DPP10: variants seen among roughly 807,000 people sequenced by gnomAD.
DPP10 encodes the protein dipeptidyl peptidase like 10, also known as inactive dipeptidyl peptidase 10.
DPP10 carries 33 observed loss-of-function variants against 120.9 expected under a neutral mutation model. That is an observed-to-expected ratio of 0.27 (90% CI 0.21 to 0.37). DPP10 has a LOEUF of 0.37. Ranked by LOEUF, DPP10 falls within the 10% of genes least tolerant of loss-of-function variation. The pLI, the probability that DPP10 is intolerant of heterozygous loss-of-function variation, is 1.00. For missense variants in DPP10, 816 were observed against 942.8 expected, an observed-to-expected ratio of 0.87 and a Z score of 1.76; for synonymous variants, 337 against 326.1, an observed-to-expected ratio of 1.03 and a Z score of -0.36.
At chr2:114,807,173 C>T (rs1684807394) in intron 1 of DPP10, among the ~76,000 whole-genome samples, 1 of 151,922 alleles carries the variant, frequency 6.6e-6, no homozygotes, top group African/African-American at 2.4e-5. Flanking sequence ...TCAATGGGCT[C>T]AATAAATAGA....
chr2:114,821,941 T>A (rs1686124829), intron 1 of DPP10, among the ~76,000 whole-genome samples: 1 of 151,982 alleles, frequency 6.6e-6, no homozygotes, highest in African/African-American at 2.4e-5. Flanking sequence ...TGGAGTTGAG[T>A]GTCTGTGAAT....
chr2:114,489,645 G>T (rs1681812743), intron 1 of DPP10, among the ~76,000 whole-genome samples: 1 of 152,128 alleles, frequency 6.6e-6, no homozygotes. Context: ...CAAGAGAATT[G>T]TCTTTTTTTC....
intron 1 of DPP10, among the ~76,000 whole-genome samples, chr2:114,649,917 A>G (rs1696448967): frequency 6.6e-6 from 1 of 152,124 alleles, no homozygotes. Context: ...TTTATTTGAC[A>G]ACTTTTTAAC....
intron 7 of DPP10, among the ~76,000 whole-genome samples, chr2:115,700,683 C>G (rs1437003808): frequency 6.6e-6 from 1 of 151,890 alleles, no homozygotes. Context: ...CTTTAAAAGC[C>G]TAGAGTCCAC....
intron 1 of DPP10, among the ~76,000 whole-genome samples, chr2:114,811,768 A>C (rs932471635): frequency 7.9e-5 from 12 of 152,142 alleles, no homozygotes; most frequent in African/African-American, 2.4e-4. Flanking sequence ...GGAGCTTCTT[A>C]ACACTGGAGT....
At chr2:114,626,552 A>C (rs1694530461) in intron 1 of DPP10, among the ~76,000 whole-genome samples, 1 of 151,994 alleles carries the variant, frequency 6.6e-6, no homozygotes, top group African/African-American at 2.4e-5. Context: ...GTGGTCACTA[A>C]ATTCATGCAT....
chr2:115,098,977 A>G (rs979455926), intron 1 of DPP10, among the ~76,000 whole-genome samples: 1 of 152,038 alleles, frequency 6.6e-6, no homozygotes, highest in Non-Finnish European at 1.5e-5. Context: ...GAGAACAAAG[A>G]GATGCCTCAA....
intron 1 of DPP10, among the ~76,000 whole-genome samples, chr2:114,964,011 G>A (rs1391361200): frequency 6.6e-6 from 1 of 152,136 alleles, no homozygotes; most frequent in East Asian, 1.9e-4. Context: ...AAGTAAGTAG[G>A]AGACAGGACT....
intron 3 of DPP10, among the ~76,000 whole-genome samples, chr2:115,411,536 T>A (rs537498661): frequency 2.4e-3 from 359 of 152,250 alleles, no homozygotes; most frequent in Non-Finnish European, 4.4e-3. Context: ...TATGAAGCTT[T>A]GGAATATGAT....
At chr2:114,948,284 GT>G (rs1697516734) in intron 1 of DPP10, among the ~76,000 whole-genome samples, 1 of 151,704 alleles carries the variant, frequency 6.6e-6, no homozygotes. Context: ...GTTTCTATTT[GT>G]TTTTTCTTTA....
intron 1 of DPP10, among the ~76,000 whole-genome samples, chr2:114,566,726 G>A (rs1208061153): frequency 6.6e-6 from 1 of 152,194 alleles, no homozygotes; most frequent in Non-Finnish European, 1.5e-5. Context: ...GTCACACACA[G>A]CAGGAAGAAC....
intron 1 of DPP10, among the ~76,000 whole-genome samples, chr2:114,593,032 A>G (rs998555706): frequency 6.6e-6 from 1 of 152,224 alleles, no homozygotes; most frequent in Non-Finnish European, 1.5e-5. Context: ...ATACAAAACA[A>G]AACAAAAAAA....
intron 1 of DPP10, among the ~76,000 whole-genome samples, chr2:115,013,778 C>G (rs1702434165): frequency 6.6e-6 from 1 of 151,240 alleles, no homozygotes; most frequent in African/African-American, 2.4e-5. Context: ...TCGATGCAAG[C>G]AACAAGAAAA....
intron 1 of DPP10, among the ~76,000 whole-genome samples, chr2:114,890,913 A>G (rs889746600): frequency 1.2e-4 from 18 of 150,684 alleles, no homozygotes; most frequent in Non-Finnish European, 2.1e-4. Context: ...AGAATTGTCT[A>G]TGTTTAGAGC....
chr2:114,615,606 C>T (rs370949752), intron 1 of DPP10, among the ~76,000 whole-genome samples: 1 of 152,242 alleles, frequency 6.6e-6, no homozygotes, highest in East Asian at 1.9e-4. Context: ...TTGCACAGAA[C>T]AGGAACCAAG....
chr2:115,214,400 A>G (rs1314794270), intron 1 of DPP10, among the ~76,000 whole-genome samples: 1 of 152,186 alleles, frequency 6.6e-6, no homozygotes, highest in African/African-American at 2.4e-5. Context: ...TTAGGTTCTG[A>G]TACATGGTAT....
chr2:115,773,657 A>G (rs1256274266), intron 13 of DPP10, among the ~76,000 whole-genome samples: 2 of 152,086 alleles, frequency 1.3e-5, no homozygotes. Context: ...TATTGTAGAG[A>G]AAAAATGCTG....
At chr2:114,835,837 A>G (rs1312422500) in intron 1 of DPP10, among the ~76,000 whole-genome samples, 2 of 152,240 alleles carry the variant, frequency 1.3e-5, no homozygotes, top group African/African-American at 2.4e-5. Flanking sequence ...AAAGGGAAAA[A>G]AGACTATATA....
intron 1 of DPP10, among the ~76,000 whole-genome samples, chr2:114,837,749 G>T (rs1687856063): frequency 6.6e-6 from 1 of 152,096 alleles, no homozygotes; most frequent in South Asian, 2.1e-4. Context: ...ACAAATCATT[G>T]CAGGAAATAA....
Sources: gnomAD v4.1 joint callset for allele counts (sites outside exome capture counted in the v4.1 genomes callset) on GRCh38, gnomAD v4.1.1 for gene constraint, MANE v1.5 for transcripts, NCBI Gene and HGNC (gene_info 2026-07-23, HGNC 2026-07-21) for gene names.